Variants in CNTNAP2 observed in about 807,000 individuals in gnomAD.
The protein encoded by CNTNAP2 is contactin associated protein 2, also known as contactin-associated protein-like 2.
In CNTNAP2, 98 loss-of-function variants were observed where a neutral mutation model predicts 155.2. The ratio of observed to expected loss-of-function variants is 0.63; its 90% CI spans 0.54 to 0.75. CNTNAP2 has a LOEUF of 0.75. Among genes scored for constraint, CNTNAP2 ranks in the 30% least tolerant of loss-of-function variants. The pLI is 0.00. For missense variants in CNTNAP2, 1,727 were observed against 1,688.1 expected (o/e 1.02, Z -0.40); for synonymous variants, 651 against 631.2 (o/e 1.03, Z -0.47).
intron 21 of CNTNAP2, 137 bp downstream of exon 21, chr7:148,267,263 G>A (rs765339995): frequency 1.4e-5 from 11 of 786,296 alleles, no homozygotes; most frequent in Admixed American, 2.0e-5. Flanking sequence ...GGAAAGTTAC[G>A]TGGTTGTTCT....
At chr7:148,066,930 G>A (rs1803277004) in intron 15 of CNTNAP2, among the ~76,000 whole-genome samples, 1 of 152,022 alleles carries the variant, frequency 6.6e-6, no homozygotes, top group South Asian at 2.1e-4. Flanking sequence ...CTCTAAGTGT[G>A]TCTTTCATTT....
At chr7:148,034,396 G>A (rs1186119961) in intron 15 of CNTNAP2, among the ~76,000 whole-genome samples, 5 of 152,134 alleles carry the variant, frequency 3.3e-5, no homozygotes, top group African/African-American at 7.2e-5. Context: ...TGGGTCATAA[G>A]GGCACCACTC....
intron 9 of CNTNAP2, among the ~76,000 whole-genome samples, chr7:147,304,883 G>A (rs2620441): frequency 0.3 from 45,969 of 152,020 alleles, 8,917 homozygotes; most frequent in East Asian, 0.71. Flanking sequence ...ATCAAAATGC[G>A]GGCAGATTCC....
chr7:147,720,277 T>A (rs1796545062), intron 13 of CNTNAP2, among the ~76,000 whole-genome samples: 1 of 152,102 alleles, frequency 6.6e-6, no homozygotes, highest in South Asian at 2.1e-4. Flanking sequence ...TACTGTTATG[T>A]CTGTGGGAGA....
rs1389035767 is a variant in CNTNAP2 at position 146,638,492 on chromosome 7, TTTTTTTC to T, written c.98-135775_98-135769del. 4.9e-4 allele frequency among the ~76,000 whole-genome samples: 56 copies of T among 115,366 alleles called. 1 individual carries two copies. In the East Asian group the frequency reaches 4.9e-3, roughly 10 times the overall value. The allele number at this position is 115,366 out of a possible 152,430, so 75.7% of individuals were successfully genotyped here. ...CAGGTGTTTCTTTTTTTTTTTTTTTTTTTTTTCTTTGAGATGGAGTCTCACTCTGTTG... is the reference window on the plus strand; with the variant it reads ...CAGGTGTTTCTTTTTTTTTTTTTTTTTTTGAGATGGAGTCTCACTCTGTTG... On this transcript the variant is annotated intron_variant, in intron 1 of 23. Coordinates refer to ENST00000361727, the MANE Select transcript of CNTNAP2 (RefSeq NM_014141.6).
At chr7:148,057,989 G>A (rs200567314) in intron 15 of CNTNAP2, among the ~76,000 whole-genome samples, 31 of 74,322 alleles carry the variant, frequency 4.2e-4, no homozygotes, top group Admixed American at 7.1e-4. Context: ...TATTATTATT[G>A]TTATTATTTG....
At chr7:146,281,703 G>T (rs754945699) in intron 1 of CNTNAP2, among the ~76,000 whole-genome samples, 3 of 151,874 alleles carry the variant, frequency 2.0e-5, no homozygotes, top group Non-Finnish European at 4.4e-5. Context: ...ACTGAGGCAG[G>T]AGAGTCACTT....
At chr7:146,751,933 T>C (rs1432320027) in intron 1 of CNTNAP2, among the ~76,000 whole-genome samples, 1 of 152,188 alleles carries the variant, frequency 6.6e-6, no homozygotes, top group African/African-American at 2.4e-5. Flanking sequence ...GCTTCATCCA[T>C]GTCTCTTCAA....
chr7:148,134,642 C>A (rs1461557094), intron 16 of CNTNAP2, among the ~76,000 whole-genome samples: 1 of 152,050 alleles, frequency 6.6e-6, no homozygotes, highest in Non-Finnish European at 1.5e-5. Context: ...AAATCGTATA[C>A]AATAAAATAA....
At chr7:146,754,565 T>TCTCTCG (rs1266849917) in intron 1 of CNTNAP2, among the ~76,000 whole-genome samples, 2 of 151,618 alleles carry the variant, frequency 1.3e-5, no homozygotes, top group African/African-American at 4.8e-5. Flanking sequence ...TCTCTCTCTC[T>TCTCTCG]CTCTCTCTCT....
At chr7:147,815,916 C>G (rs1798257480) in intron 13 of CNTNAP2, among the ~76,000 whole-genome samples, 2 of 152,210 alleles carry the variant, frequency 1.3e-5, no homozygotes, top group South Asian at 4.1e-4. Flanking sequence ...TCTCTTTCAG[C>G]AGTTCTTAAT....
chr7:146,775,889 C>A (rs1802382041), intron 2 of CNTNAP2, among the ~76,000 whole-genome samples: 1 of 151,796 alleles, frequency 6.6e-6, no homozygotes, highest in Non-Finnish European at 1.5e-5. Context: ...AGGAACATAA[C>A]AAAAATGCAG....
intron 3 of CNTNAP2, among the ~76,000 whole-genome samples, chr7:147,007,438 T>C (rs1258874727): frequency 1.3e-5 from 2 of 152,126 alleles, no homozygotes; most frequent in Non-Finnish European, 2.9e-5. Flanking sequence ...TCTAATGCTT[T>C]TCTTCATACA....
intron 13 of CNTNAP2, among the ~76,000 whole-genome samples, chr7:147,717,845 C>G (rs531069843): frequency 6.6e-6 from 1 of 151,868 alleles, no homozygotes; most frequent in Non-Finnish European, 1.5e-5. Context: ...GGTGCCACTG[C>G]ACTCCAGCCT....
intron 12 of CNTNAP2, among the ~76,000 whole-genome samples, chr7:147,628,664 T>C (rs1041699958): frequency 6.6e-6 from 1 of 151,982 alleles, no homozygotes. Context: ...AATTCTCCAA[T>C]TAAAAGATAT....
At chr7:146,789,904 C>T (rs1383591321) in intron 2 of CNTNAP2, among the ~76,000 whole-genome samples, 2 of 149,760 alleles carry the variant, frequency 1.3e-5, no homozygotes, top group Non-Finnish European at 3.0e-5. Context: ...CTAGATATGC[C>T]GTAAGTGGAT....
chr7:147,632,501 C>T (rs560064057), intron 12 of CNTNAP2, among the ~76,000 whole-genome samples: 3 of 152,266 alleles, frequency 2.0e-5, no homozygotes, highest in Middle Eastern at 6.8e-3. Context: ...TCTCTTGCTG[C>T]CCTGTAAAGA....
intron 8 of CNTNAP2, among the ~76,000 whole-genome samples, chr7:147,198,274 C>T (rs1197650523): frequency 5.4e-5 from 7 of 130,590 alleles, no homozygotes; most frequent in East Asian, 2.5e-4. Flanking sequence ...CTCGTAGGCC[C>T]GGGCTAGAGT....
chr7:146,165,321 A>AT (rs1389384091), intron 1 of CNTNAP2, among the ~76,000 whole-genome samples: 35 of 152,320 alleles, frequency 2.3e-4, no homozygotes, highest in African/African-American at 8.2e-4. Context: ...AGTTATGATA[A>AT]TTGTATTATG....
Sources: gnomAD v4.1 joint callset for allele counts (sites outside exome capture counted in the v4.1 genomes callset) on GRCh38, gnomAD v4.1.1 for gene constraint, MANE v1.5 for transcripts, NCBI Gene and HGNC (gene_info 2026-07-23, HGNC 2026-07-21) for gene names.